The following CLK4 variants were observed in gnomAD, a reference collection of about 807,000 sequenced individuals.
CLK4 encodes dual specificity protein kinase CLK4.
In CLK4, 37 loss-of-function variants were observed where a neutral mutation model predicts 64.4. The observed-to-expected ratio is 0.57, with a 90% CI of 0.44 to 0.76. The LOEUF (loss-of-function observed/expected upper bound fraction) is 0.76, where lower values mean the gene tolerates loss of function less well. Ranked by LOEUF, CLK4 falls within the 30% of genes least tolerant of loss-of-function variation. CLK4 has a pLI of 0.00. For synonymous variants in CLK4, 175 were observed against 191.6 expected (o/e 0.91, Z 0.72); for missense variants, 457 against 605.1 (o/e 0.76, Z 2.57).
At chr5:178,621,676 G>A (rs949418020) in intron 2 of CLK4, 1 of 152,142 alleles carries the variant, frequency 6.6e-6, no homozygotes, top group Admixed American at 6.5e-5. Flanking sequence ...GCATGAAGGA[G>A]CACGTTGTAT....
chr5:178,612,930 A>T (rs1410971871), intron 7 of CLK4, 40 bp from the exon 8 acceptor site: 1 of 1,069,984 alleles, frequency 9.3e-7, no homozygotes, highest in South Asian at 1.4e-5. Context: ...TTCACTTACA[A>T]ACTTAATTTG....
chr5:178,613,107 CAAACATAAAA>C (rs768851707), intron 7 of CLK4, among the ~76,000 whole-genome samples: 269 of 152,138 alleles, frequency 1.8e-3, no homozygotes, highest in Non-Finnish European at 2.9e-3. Flanking sequence ...TAAGGAGGTA[CAAACATAAAA>C]AATATTTAAA....
chr5:178,607,313 T>C (rs1764481135), intron 10 of CLK4, among the ~76,000 whole-genome samples: 1 of 152,040 alleles, frequency 6.6e-6, no homozygotes. Flanking sequence ...TACAAGACAC[T>C]CTGACAACGC....
At chr5:178,612,390 T>C in intron 9 of CLK4, 26 bp downstream of exon 9, 1 of 1,558,698 alleles carries the variant, frequency 6.4e-7, no homozygotes, top group African/African-American at 1.4e-5. Context: ...TCAATTATAA[T>C]ATTAGAAAGC....
At chr5:178,610,131 A>G (rs987339569) in intron 9 of CLK4, among the ~76,000 whole-genome samples, 2 of 150,578 alleles carry the variant, frequency 1.3e-5, no homozygotes, top group Non-Finnish European at 3.0e-5. Flanking sequence ...TCTACTAAAA[A>G]TACAAAAAAT....
intron 12 of CLK4, 32 bp from the exon 13 acceptor site, chr5:178,603,789 AT>A (rs1562125646): frequency 6.3e-7 from 1 of 1,579,026 alleles, no homozygotes. Flanking sequence ...TTTAAAAAAA[AT>A]TATTAATAGT....
Position 178,616,895 on chromosome 5 carries a change from T to TG in CLK4, c.528dup (p.Ile177HisfsTer2). 1 of 1,613,142 alleles carries TG rather than the reference T, an allele frequency of 6.2e-7. No individual in the cohort carries two copies. The highest frequency in any genetic ancestry group is 8.5e-7 in the Non-Finnish European group (1 of 1,179,094). On this transcript the variant is annotated frameshift_variant, in exon 5 of 13. Transcript: ENST00000316308. LOFTEE classifies it high-confidence loss of function. ...AAACAAACTTACATGCCATGATCAA[T>TG]GCACTCTACAACTTTGCCAAAGGCT... is the stretch of plus-strand genomic sequence containing the variant.
intron 10 of CLK4, among the ~76,000 whole-genome samples, chr5:178,607,581 G>A (rs969929123): frequency 2.4e-5 from 3 of 127,522 alleles, no homozygotes; most frequent in Middle Eastern, 5.8e-3. Context: ...GCATGATCTC[G>A]CTCACTGCAA....
rs1003483294 is a variant in CLK4, at chr5:178,604,018, A to G, written c.1215-84T>C. ...TGCACCCATGAGGGGAGACATGGAA[A>G]GCAGCTCTCTCTAAGTGTATAGACT... On this transcript the variant is annotated intron_variant, in intron 11 of 12. Transcript: ENST00000316308. 3.1e-6 allele frequency: 3 copies of G among 982,976 alleles called. No homozygotes were observed. In the African/African-American group the frequency reaches 4.9e-5, roughly 16 times the overall value. 60.9% of individuals were successfully genotyped at this position (982,976 alleles called of 1,614,324 possible). A position where few individuals can be genotyped will look rare whatever the true frequency, so the allele number is the denominator to read the frequency against.
At chr5:178,614,909 A>T (rs1764605693) in intron 5 of CLK4, among the ~76,000 whole-genome samples, 1 of 152,216 alleles carries the variant, frequency 6.6e-6, no homozygotes, top group African/African-American at 2.4e-5. Flanking sequence ...TATGACCAAA[A>T]AGTTTTCTCA....
chr5:178,625,188 T>C (rs1216174833), intron 1 of CLK4, among the ~76,000 whole-genome samples: 1 of 151,994 alleles, frequency 6.6e-6, no homozygotes, highest in South Asian at 2.1e-4. Context: ...TCAAGAAAAA[T>C]TTATGGCTGG....
At chr5:178,619,776 T>C (rs1286210852) in intron 2 of CLK4, 9 of 1,286,916 alleles carry the variant, frequency 7.0e-6, no homozygotes, top group Non-Finnish European at 9.1e-6. Flanking sequence ...TAAGTGGCCT[T>C]GATCTGATGG....
chr5:178,612,956 G>A, intron 7 of CLK4, 66 bp from the exon 8 acceptor site: 1 of 803,148 alleles, frequency 1.2e-6, no homozygotes, highest in South Asian at 1.6e-5. Context: ...GGAGGGAAAG[G>A]AGGACTGGCA....
intron 7 of CLK4, 146 bp downstream of exon 7, chr5:178,613,327 A>G (rs584415): frequency 0.39 from 156,127 of 398,664 alleles, 32,736 homozygotes; most frequent in Non-Finnish European, 0.46. Context: ...AGGCTGAGGC[A>G]GGAAAATGGC....
intron 8 of CLK4, 81 bp downstream of exon 8, chr5:178,612,715 G>T: frequency 9.3e-7 from 1 of 1,075,890 alleles, no homozygotes. Flanking sequence ...AGGCTCAGAA[G>T]TGAAATTCCT....
Position 178,603,482 on chromosome 5 carries a change from C to T in CLK4, c.*135G>A, listed in dbSNP as rs893654302. The T allele has an allele frequency of 7.3e-6, 4 of 546,852 alleles. No homozygotes were observed. Among genetic ancestry groups the T allele is most frequent in the South Asian group, 5.7e-5 (1 of 17,402 alleles). 33.9% of individuals were successfully genotyped at this position (546,852 alleles called of 1,614,324 possible). The stretch of plus-strand genomic sequence containing the variant: ...TAACAAGTTAATTATGCTATTGATA[C>T]AAAACATACAATATTTACACTTAAC... On this transcript the variant is annotated 3_prime_UTR_variant, in exon 13 of 13. Transcript: ENST00000316308.
At chr5:178,610,289 CA>C (rs772706129) in intron 9 of CLK4, among the ~76,000 whole-genome samples, 226 of 134,034 alleles carry the variant, frequency 1.7e-3, no homozygotes, top group Middle Eastern at 0.011. Flanking sequence ...GACTGCGTCT[CA>C]AAAAAAAAAA....
intron 7 of CLK4, 83 bp from the exon 8 acceptor site, chr5:178,612,973 A>G (rs1764577872): frequency 1.5e-6 from 1 of 678,014 alleles, no homozygotes; most frequent in African/African-American, 1.8e-5. Flanking sequence ...GGCAAAGGAT[A>G]TAGTGGTCAA....
rs1230502578 is a variant in CLK4 at position 178,618,641 on chromosome 5, T to G, written c.299A>C (p.His100Pro). 6.2e-7 allele frequency: 1 copy of G among 1,614,104 alleles called. No homozygotes were observed. Among genetic ancestry groups the G allele is most frequent in the East Asian group, 2.2e-5 (1 of 44,870 alleles). The change falls in exon 3 of 13, where the codon CAC becomes CCC. Residue 100 changes from histidine to proline, a missense_variant. Transcript: ENST00000316308. The part of the protein sequence containing the change: ...HRDIESGYRI[H>P]CSKSSVRSRR... ...GCTGCGGACTGAAGATTTACTGCAG[T>G]GGATTCGATACCCGCTTTCAATGTC...
Sources: gnomAD v4.1 joint callset for allele counts (sites outside exome capture counted in the v4.1 genomes callset) on GRCh38, gnomAD v4.1.1 for gene constraint, MANE v1.5 for transcripts, NCBI Gene and HGNC (gene_info 2026-07-23, HGNC 2026-07-21) for gene names.